NAALADL2: variants seen among roughly 807,000 people sequenced by gnomAD.
The protein encoded by NAALADL2 is inactive N-acetylated-alpha-linked acidic dipeptidase-like protein 2.
A neutral mutation model predicts 87.2 loss-of-function variants in NAALADL2; 76 were observed. The ratio of observed to expected loss-of-function variants is 0.87; its 90% CI spans 0.72 to 1.05. NAALADL2 has a LOEUF of 1.05. Among genes scored for constraint, NAALADL2 ranks in the 50% least tolerant of loss-of-function variants. The pLI, the probability that NAALADL2 is intolerant of heterozygous loss-of-function variation, is 0.00. For missense variants in NAALADL2, 1,089 were observed against 945.8 expected (o/e 1.15, Z -1.99); for synonymous variants, 354 against 331.0 (o/e 1.07, Z -0.75).
chr3:175,028,337 C>G (rs189932692), intron 1 of NAALADL2, among the ~76,000 whole-genome samples: 1 of 152,072 alleles, frequency 6.6e-6, no homozygotes, highest in East Asian at 1.9e-4. Flanking sequence ...TATTTTCACT[C>G]ACTTTAAAAT....
At chr3:174,734,197 G>T (rs1185783746) in intron 2 of NAALADL2, among the ~76,000 whole-genome samples, 2 of 152,020 alleles carry the variant, frequency 1.3e-5, no homozygotes, top group African/African-American at 4.8e-5. Context: ...TTGAGAATTA[G>T]GTAGTGATTT....
chr3:175,404,031 A>G (rs372848112), intron 5 of NAALADL2, among the ~76,000 whole-genome samples: 10 of 152,244 alleles, frequency 6.6e-5, no homozygotes, highest in Middle Eastern at 3.4e-3. Context: ...GCATTTTATT[A>G]TACATACTCA....
intron 8 of NAALADL2, among the ~76,000 whole-genome samples, chr3:175,470,085 T>G (rs1315704086): frequency 6.6e-6 from 1 of 152,136 alleles, no homozygotes; most frequent in Non-Finnish European, 1.5e-5. Context: ...TGGCTTCTTT[T>G]AGTTAGCATA....
intron 1 of NAALADL2, among the ~76,000 whole-genome samples, chr3:175,087,814 G>A (rs1719329466): frequency 6.6e-6 from 1 of 151,246 alleles, no homozygotes; most frequent in South Asian, 2.1e-4. Context: ...AGAGACCCTT[G>A]TTCACATGTT....
intron 2 of NAALADL2, among the ~76,000 whole-genome samples, chr3:175,199,678 G>A (rs1429264223): frequency 6.6e-6 from 1 of 150,602 alleles, no homozygotes; most frequent in Non-Finnish European, 1.5e-5. Flanking sequence ...GATGTCCCTG[G>A]CCTCCCTGTT....
At chr3:174,688,786 A>C (rs1728284321) in intron 2 of NAALADL2, among the ~76,000 whole-genome samples, 2 of 152,132 alleles carry the variant, frequency 1.3e-5, no homozygotes, top group Non-Finnish European at 2.9e-5. Flanking sequence ...GTCTTCTTTT[A>C]AGATAAAGAG....
intron 2 of NAALADL2, among the ~76,000 whole-genome samples, chr3:175,127,463 G>A (rs531736476): frequency 6.6e-6 from 1 of 152,236 alleles, no homozygotes; most frequent in African/African-American, 2.4e-5. Context: ...TGTTTACCTA[G>A]TTCATAGGAG....
At chr3:175,510,988 T>C (rs769469307) in intron 9 of NAALADL2, among the ~76,000 whole-genome samples, 1 of 152,176 alleles carries the variant, frequency 6.6e-6, no homozygotes, top group Admixed American at 6.5e-5. Flanking sequence ...GTCCTCTCTA[T>C]AAAAGAGGTA....
At chr3:175,422,325 AG>A (rs1450029068) in intron 5 of NAALADL2, among the ~76,000 whole-genome samples, 3 of 152,106 alleles carry the variant, frequency 2.0e-5, no homozygotes, top group African/African-American at 7.2e-5. Context: ...GAGTTGGAAA[AG>A]TTTATTAATT....
intron 2 of NAALADL2, among the ~76,000 whole-genome samples, chr3:175,132,685 G>T (rs147672944): frequency 1.8e-5 from 2 of 111,936 alleles, no homozygotes; most frequent in African/African-American, 3.5e-5. Context: ...CCTCCCGGAC[G>T]GGGCAGCTGG....
In NAALADL2 at chr3:175,737,407, T is replaced by A; in HGVS notation, c.1990+8T>A. The A allele has an allele frequency of 6.7e-7, 1 of 1,495,962 alleles. No individual in the cohort carries two copies. Among genetic ancestry groups the A allele is most frequent in the Non-Finnish European group, 9.3e-7 (1 of 1,075,062 alleles). The allele number at this position is 1,495,962 out of a possible 1,614,324, so 92.7% of individuals were successfully genotyped here. The stretch of plus-strand genomic sequence containing the variant: ...TTCAAAACAACCTTAAAGGTAATTT[T>A]CCTTTGAATTATAGTAATTTTACCA... On this transcript the variant is annotated splice_region_variant and intron_variant, in intron 12 of 13. Coordinates refer to ENST00000454872, the MANE Select transcript of NAALADL2 (RefSeq NM_207015.3).
intron 1 of NAALADL2, among the ~76,000 whole-genome samples, chr3:175,031,099 C>A (rs1482755530): frequency 6.6e-6 from 1 of 151,818 alleles, no homozygotes; most frequent in Non-Finnish European, 1.5e-5. Flanking sequence ...AAAACATTAA[C>A]CAACTATAAC....
intron 3 of NAALADL2, among the ~76,000 whole-genome samples, chr3:174,800,965 A>T (rs1718757567): frequency 6.6e-6 from 1 of 152,134 alleles, no homozygotes; most frequent in Admixed American, 6.5e-5. Flanking sequence ...TATTTACCCA[A>T]TTCCTGTACC....
chr3:175,412,003 G>A (rs1202177525), intron 5 of NAALADL2, among the ~76,000 whole-genome samples: 2 of 152,122 alleles, frequency 1.3e-5, no homozygotes, highest in Non-Finnish European at 2.9e-5. Flanking sequence ...TGTAAACCCT[G>A]ATCGAAGATA....
chr3:174,686,285 A>G lies in NAALADL2; in HGVS notation c.-114-51356A>G, dbSNP rs1728035085. ...GGCTGAACTAATTTACACTCCCACC[A>G]ACACTATATACATGTTCCTTTTTCT... is the stretch of plus-strand genomic sequence containing the variant. On this transcript the variant is annotated intron_variant, in intron 2 of 3. Transcript: ENST00000434257. Among the ~76,000 whole-genome samples, 4 of 152,176 alleles carry G rather than the reference A, an allele frequency of 2.6e-5. No individual in the cohort carries two copies. In the South Asian group the frequency reaches 8.3e-4, roughly 31 times the overall value.
Position 175,194,079 on chromosome 3 carries a change from A to C in NAALADL2, c.546-39852A>C, listed in dbSNP as rs73043270. On this transcript the variant is annotated intron_variant, in intron 2 of 13. Transcript: ENST00000454872. Reference sequence around the variant, plus strand: ...TGTGAAAACTGAAGTGCAGAATGTCATTGTAAACAATTTTGTTAAAATATT... The same window carrying C: ...TGTGAAAACTGAAGTGCAGAATGTCCTTGTAAACAATTTTGTTAAAATATT... 8.3e-3 allele frequency among the ~76,000 whole-genome samples: 1,259 copies of C among 152,024 alleles called. 19 individuals are homozygous for C. Among genetic ancestry groups the C allele is most frequent in the African/African-American group, 0.028 (1,183 of 41,548 alleles).
rs574488840 is a variant in NAALADL2, at chr3:174,871,970, C to T, written c.43+12520C>T. Among the ~76,000 whole-genome samples the T allele has an allele frequency of 4.9e-4, 75 of 152,046 alleles. No homozygotes were observed. In the Middle Eastern group the frequency reaches 0.01, roughly 21 times the overall value. On this transcript the variant is annotated intron_variant, in intron 1 of 13. Transcript: ENST00000454872. Reference sequence around the variant, plus strand: ...TAACATTATCCAGTGCTACTCTTGACGATCTTTAATATTTTAATATAGAAA... The same window carrying T: ...TAACATTATCCAGTGCTACTCTTGATGATCTTTAATATTTTAATATAGAAA...
chr3:175,206,296 G>GTA (rs571775445), intron 2 of NAALADL2, among the ~76,000 whole-genome samples: 2,615 of 101,602 alleles, frequency 0.026, 138 homozygotes, highest in African/African-American at 0.063. Context: ...GTATGTATGT[G>GTA]TATATATATA....
At chr3:174,932,272 C>T (rs1488406787) in intron 1 of NAALADL2, among the ~76,000 whole-genome samples, 1 of 152,110 alleles carries the variant, frequency 6.6e-6, no homozygotes, top group Non-Finnish European at 1.5e-5. Flanking sequence ...ATCATCAAAA[C>T]AAAGAAACTG....
Sources: allele counts gnomAD v4.1 joint callset (sites outside exome capture counted in the v4.1 genomes callset), GRCh38; gene constraint gnomAD v4.1.1; transcripts MANE v1.5; gene names NCBI Gene and HGNC (gene_info 2026-07-23, HGNC 2026-07-21).